Variants in CEL observed in about 807,000 individuals in gnomAD.
The protein encoded by CEL is bile salt-activated lipase.
In CEL, 39 loss-of-function variants were observed where a neutral mutation model predicts 57.1. The ratio of observed to expected loss-of-function variants is 0.68; its 90% CI spans 0.53 to 0.89. CEL has a LOEUF of 0.89. CEL is among the 40% of genes least tolerant of loss of function. The probability of loss-of-function intolerance (pLI) is 0.00; values close to 1 mark genes in which losing one functional copy is unlikely to be tolerated. For synonymous variants in CEL, 314 were observed against 396.6 expected, an observed-to-expected ratio of 0.79 and a Z score of 2.48; for missense variants, 698 against 915.0, an observed-to-expected ratio of 0.76 and a Z score of 3.06.
intron 7 of CEL, among the ~76,000 whole-genome samples, chr9:133,067,668 C>T (rs534455575): frequency 2.0e-5 from 3 of 152,260 alleles, no homozygotes; most frequent in East Asian, 1.9e-4. Context: ...CCACTGTGCC[C>T]GGCCCCTTCT....
In CEL at chr9:133,071,795, C is replaced by T; in HGVS notation, c.*31C>T. ...CATGAGCCTTGGTATCAAGAGGCCACAAGAGTGGGACCCCAGGGGCTCCCC... is the reference window on the plus strand; with the variant it reads ...CATGAGCCTTGGTATCAAGAGGCCATAAGAGTGGGACCCCAGGGGCTCCCC... On this transcript the variant is annotated 3_prime_UTR_variant, in exon 11 of 11. Coordinates refer to ENST00000372080, the MANE Select transcript of CEL (RefSeq NM_001807.6). 1 of 1,599,652 alleles carries T rather than the reference C, an allele frequency of 6.3e-7. No individual in the cohort carries two copies. Among genetic ancestry groups the T allele is most frequent in the Non-Finnish European group, 8.6e-7 (1 of 1,168,556 alleles).
In CEL at chr9:133,071,188, C is replaced by A. The variant is rs754311269; in HGVS notation, c.1686C>A (p.Pro562=). The change falls in exon 11 of 11, where the codon CCC becomes CCA. Residue 562 remains proline (P), a synonymous_variant. Transcript: ENST00000372080. ...ACCAGGAGGCCACCCCTGTGCCCCC[C>A]ACAGGGGACTCCGAGGCCACTCCCG... ...VTDQEATPVP[P]TGDSEATPVP... 6 of 1,606,142 alleles carry A rather than the reference C, an allele frequency of 3.7e-6. No individual in the cohort carries two copies. Among genetic ancestry groups the A allele is most frequent in the African/African-American group, 1.3e-5 (1 of 74,776 alleles).
intron 4 of CEL, among the ~76,000 whole-genome samples, 183 bp downstream of exon 4, chr9:133,065,420 G>T (rs544500863): frequency 6.6e-6 from 1 of 152,210 alleles, no homozygotes; most frequent in South Asian, 2.1e-4. Context: ...AGATGCTGCA[G>T]AGGCCGGGAG....
chr9:133,067,333 G>C, intron 7 of CEL, 128 bp downstream of exon 7: 2 of 850,856 alleles, frequency 2.4e-6, no homozygotes, highest in Admixed American at 2.0e-5. Flanking sequence ...CAACTAGCTG[G>C]TGTCTCCCCT....
rs376072014 is a variant in CEL, at chr9:133,070,557, C to T, written c.1383C>T (p.Tyr461=). The T allele has an allele frequency of 5.9e-5, 96 of 1,614,112 alleles. No homozygotes were observed. Among genetic ancestry groups the T allele is most frequent in the Middle Eastern group, 3.3e-4 (2 of 6,062 alleles). The stretch of plus-strand genomic sequence containing the variant: ...CCGACCATGCAGATGACATTCAGTA[C>T]GTTTTCGGGAAGCCCTTCGCCACCC... ...VGADHADDIQ[Y]VFGKPFATPT... is the part of the protein sequence containing the mutation. Residue 461 remains tyrosine, a synonymous_variant, in exon 10 of 11, where the codon TAC becomes TAT. Transcript: ENST00000372080.
intron 1 of CEL, among the ~76,000 whole-genome samples, chr9:133,063,237 GCCTTCGGCA>G (rs1397215147): frequency 6.6e-6 from 1 of 152,196 alleles, no homozygotes; most frequent in Non-Finnish European, 1.5e-5. Flanking sequence ...GTGCTGAGAG[GCCTTCGGCA>G]GGTCATCACG....
intron 4 of CEL, among the ~76,000 whole-genome samples, chr9:133,065,936 T>G (rs1346965906): frequency 6.6e-6 from 1 of 151,704 alleles, no homozygotes; most frequent in Non-Finnish European, 1.5e-5. Flanking sequence ...AAGGATCGCT[T>G]GAGCCCAGGG....
Position 133,064,662 on chromosome 9 carries a change from CAAG to C in CEL, c.245_247del (p.Lys82del). On this transcript the variant is annotated inframe_deletion, in exon 3 of 11. Coordinates refer to ENST00000372080, the MANE Select transcript of CEL (RefSeq NM_001807.6). ...CAGGGACCCTGAAGGCCAAGAACTTCAAGAAGAGATGCCTGCAGGCCACCATCA... is the reference window on the plus strand; with the variant it reads ...CAGGGACCCTGAAGGCCAAGAACTTCAAGAGATGCCTGCAGGCCACCATCA... 1 of 1,614,002 alleles carries C rather than the reference CAAG, an allele frequency of 6.2e-7. No homozygotes were observed. Among genetic ancestry groups the C allele is most frequent in the Non-Finnish European group, 8.5e-7 (1 of 1,179,978 alleles).
intron 10 of CEL, 43 bp downstream of exon 10, chr9:133,070,701 A>G (rs1249707996): frequency 1.2e-6 from 2 of 1,613,168 alleles, no homozygotes; most frequent in Non-Finnish European, 1.7e-6. Context: ...CACAGCCGAG[A>G]AGGGCCTCCC....
chr9:133,064,963 C>T, intron 3 of CEL, 77 bp from the exon 4 acceptor site: 1 of 1,586,416 alleles, frequency 6.3e-7, no homozygotes, highest in African/African-American at 1.3e-5. Flanking sequence ...CAGGCACCTG[C>T]TGCACAGGGA....
intron 10 of CEL, 63 bp from the exon 11 acceptor site, chr9:133,070,924 G>A: frequency 6.5e-7 from 1 of 1,530,534 alleles, no homozygotes. Context: ...CGTGCAGGTG[G>A]AGAGCAGGGC....
chr9:133,064,899 CG>C, intron 3 of CEL, 137 bp downstream of exon 3: 2 of 1,538,754 alleles, frequency 1.3e-6, no homozygotes, highest in Admixed American at 3.6e-5. Context: ...CGCCCACTGC[CG>C]TTGCCCAGCC....
In CEL at chr9:133,066,677, G is replaced by C. The variant is rs1484003932; in HGVS notation, c.669+17G>C. The C allele has an allele frequency of 6.2e-7, 1 of 1,611,942 alleles. No individual in the cohort carries two copies. The highest frequency in any genetic ancestry group is 2.2e-5 in the East Asian group (1 of 44,852). On this transcript the variant is annotated intron_variant, in intron 5 of 10. Transcript: ENST00000372080. This position sits in a 1 kb window ranked among gnomAD's most constrained non-coding sequence, Gnocchi z 4.3. Reference sequence around the variant, plus strand: ...TCTCTGCAGGTCTCGGGATCCCTGTGGGGAGGGCCTGCCCCACAGGTTGAG... The same window carrying C: ...TCTCTGCAGGTCTCGGGATCCCTGTCGGGAGGGCCTGCCCCACAGGTTGAG...
Position 133,066,838 on chromosome 9 carries a change from A to G in CEL, c.670A>G (p.Thr224Ala). 1 of 1,610,312 alleles carries G rather than the reference A, an allele frequency of 6.2e-7. No individual in the cohort carries two copies. Among genetic ancestry groups the G allele is most frequent in the African/African-American group, 1.3e-5 (1 of 74,278 alleles). Reference sequence around the variant, plus strand: ...GTGACGGGATTTCTGGGTCCCGTAGACCCTCTCCCCCTACAACAAGGGCCT... The same window carrying G: ...GTGACGGGATTTCTGGGTCCCGTAGGCCCTCTCCCCCTACAACAAGGGCCT... ...SAGGASVSLQTLSPYNKGLIR... is the reference protein window; with the variant it reads ...SAGGASVSLQALSPYNKGLIR... The change falls in exon 6 of 11, where the codon ACC (threonine) becomes GCC (alanine). Residue 224 changes from threonine (T) to alanine (A), a missense_variant and splice_region_variant. By Grantham distance (58) the Thr-to-Ala change is moderately conservative (BLOSUM62 0). Transcript: ENST00000372080. This position sits in a 1 kb window ranked among gnomAD's most constrained non-coding sequence, Gnocchi z 4.3.
At chr9:133,064,303 G>C in intron 1 of CEL, 101 bp from the exon 2 acceptor site, 1 of 1,526,430 alleles carries the variant, frequency 6.6e-7, no homozygotes, top group South Asian at 1.1e-5. Flanking sequence ...CTTTGAAGCT[G>C]TCTTTGCCTC....
intron 7 of CEL, among the ~76,000 whole-genome samples, chr9:133,067,957 C>T (rs1830207974): frequency 6.6e-6 from 1 of 152,230 alleles, no homozygotes; most frequent in Non-Finnish European, 1.5e-5. Context: ...AACACCTCTG[C>T]ATGTCAGCCT....
Position 133,065,237 on chromosome 9 carries a change from G to A in CEL, c.538G>A (p.Gly180Ser), listed in dbSNP as rs1418151492. 4 of 1,612,574 alleles carry A rather than the reference G, an allele frequency of 2.5e-6. No individual in the cohort carries two copies. The Admixed American group carries it at 6.7e-5, about 27-fold the overall frequency. ...FLSTGDANLPGNYGLRDQHMA... is the reference protein window; with the variant it reads ...FLSTGDANLPSNYGLRDQHMA... ...CAGCACTGGGGACGCCAATCTGCCA[G>A]GTGCGTGGGTGCCTTCGGCCCTGAG... The change falls in exon 4 of 11, where the codon GGT becomes AGT. Residue 180 changes from glycine (G) to serine (S), a missense_variant and splice_region_variant. Around this residue, in one of 6 missense-constraint regions of CEL, gnomAD observed 327 missense variants for 374.1 expected, o/e 0.87. Transcript: ENST00000372080.
At chr9:133,069,704 C>G (rs1359754018) in intron 9 of CEL, among the ~76,000 whole-genome samples, 1 of 152,168 alleles carries the variant, frequency 6.6e-6, no homozygotes, top group African/African-American at 2.4e-5. Flanking sequence ...GACACAGTAG[C>G]TCATGCCTGT....
Position 133,066,106 on chromosome 9 carries a change from G to A in CEL, c.539-424G>A, listed in dbSNP as rs996143077. Among the ~76,000 whole-genome samples the A allele has an allele frequency of 2.6e-5, 4 of 152,158 alleles. No homozygotes were observed. Among genetic ancestry groups the A allele is most frequent in the African/African-American group, 9.7e-5 (4 of 41,416 alleles). On this transcript the variant is annotated intron_variant, in intron 4 of 10. Transcript: ENST00000372080. This position sits in a 1 kb window ranked among gnomAD's most constrained non-coding sequence, Gnocchi z 4.3. ...AGAGCAGAGCTGAGTGAGAGACAGAGAACAATACCTTGAGGCAGAGACAGC... is the reference window on the plus strand; with the variant it reads ...AGAGCAGAGCTGAGTGAGAGACAGAAAACAATACCTTGAGGCAGAGACAGC...
Sources: gnomAD v4.1 joint callset for allele counts (sites outside exome capture counted in the v4.1 genomes callset) on GRCh38, gnomAD v4.1.1 for gene constraint, gnomAD v4.1.1 regional missense constraint, Gnocchi (gnomAD v3.1) non-coding constraint, MANE v1.5 for transcripts, NCBI Gene and HGNC (gene_info 2026-07-23, HGNC 2026-07-21) for gene names.